The following CENPS variants were observed in gnomAD, a reference collection of about 807,000 sequenced individuals.
CENPS encodes centromere protein S.
CENPS carries 16 observed loss-of-function variants against 17.9 expected under a neutral mutation model. The observed-to-expected ratio is 0.90, with a 90% CI of 0.61 to 1.36. The LOEUF is 1.36. CENPS is among the 40% of genes most tolerant of loss of function. The pLI, the probability that CENPS is intolerant of heterozygous loss-of-function variation, is 0.00. For synonymous variants in CENPS, 49 were observed against 55.8 expected (o/e 0.88, Z 0.54); for missense variants, 160 against 158.6 (o/e 1.01, Z -0.05).
chr1:10,434,565 G>A (rs938422376), intron 2 of CENPS, 92 bp from the exon 3 acceptor site: 14 of 1,575,812 alleles, frequency 8.9e-6, no homozygotes, highest in African/African-American at 6.9e-5. Context: ...TCAAGTCACT[G>A]TACTGGCTGT....
chr1:10,437,003 C>T (rs1047348141), intron 3 of CENPS, among the ~76,000 whole-genome samples: 1 of 152,148 alleles, frequency 6.6e-6, no homozygotes, highest in Non-Finnish European at 1.5e-5. Flanking sequence ...GTCCCTGTCA[C>T]ACTTCTCTAC....
intron 3 of CENPS, among the ~76,000 whole-genome samples, chr1:10,436,732 G>GGA (rs1553177458): frequency 5.7e-5 from 8 of 140,752 alleles, no homozygotes; most frequent in African/African-American, 1.6e-4. Flanking sequence ...GAAAAGAAAA[G>GGA]AAAAAAAAAA....
chr1:10,436,165 A>T (rs1640148207), intron 3 of CENPS, among the ~76,000 whole-genome samples: 1 of 151,342 alleles, frequency 6.6e-6, no homozygotes, highest in African/African-American at 2.4e-5. Context: ...TTTAGTAGAG[A>T]TGGCGTTTCA....
At chr1:10,441,735 C>T (rs968431365) in intron 4 of CENPS, among the ~76,000 whole-genome samples, 4 of 149,916 alleles carry the variant, frequency 2.7e-5, no homozygotes, top group Non-Finnish European at 4.4e-5. Context: ...ATGCCATTCT[C>T]CTGCCTCAGC....
chr1:10,431,062 T>A, intron 1 of CENPS: 1 of 1,363,726 alleles, frequency 7.3e-7, no homozygotes, highest in South Asian at 1.6e-5. Context: ...TTCGAATCTC[T>A]GCCCCGCCAA....
intron 1 of CENPS, among the ~76,000 whole-genome samples, chr1:10,432,598 C>T (rs1639969830): frequency 7.1e-6 from 1 of 141,634 alleles, no homozygotes; most frequent in South Asian, 2.4e-4. Context: ...AGTGATTTAG[C>T]CTCTAAGTGC....
intron 1 of CENPS, 200 bp downstream of exon 1, chr1:10,430,768 G>T (rs777631099): frequency 9.3e-6 from 13 of 1,392,888 alleles, no homozygotes; most frequent in South Asian, 3.3e-5. Flanking sequence ...ACCCTGGCCT[G>T]CGCTGGCTGG....
chr1:10,431,002 AG>A (rs1639884174), intron 1 of CENPS: 48 of 1,291,470 alleles, frequency 3.7e-5, no homozygotes, highest in Non-Finnish European at 4.5e-5. Flanking sequence ...TTACTGATGC[AG>A]GGACGCGGTG....
At chr1:10,435,080 T>G (rs1046875355) in intron 3 of CENPS, among the ~76,000 whole-genome samples, 11 of 152,190 alleles carry the variant, frequency 7.2e-5, no homozygotes, top group African/African-American at 2.7e-4. Context: ...AGCTGCAGCG[T>G]GTCCACGGTG....
chr1:10,442,439 C>T lies in CENPS; in HGVS notation c.*34C>T, dbSNP rs1640457919. The T allele has an allele frequency of 6.6e-7, 1 of 1,516,616 alleles. No individual in the cohort carries two copies. Among genetic ancestry groups the T allele is most frequent in the East Asian group, 2.4e-5 (1 of 40,966 alleles). The allele number at this position is 1,516,616 out of a possible 1,614,324, so 93.9% of individuals were successfully genotyped here. ...GCCGCTTGGAAAGTGCAGCCTTCTA[C>T]AGGTAGAGCCACCTAGAAATGCATA... On this transcript the variant is annotated 3_prime_UTR_variant, in exon 5 of 5. Transcript: ENST00000309048.
rs182536626 is a variant in CENPS at position 10,442,270 on chromosome 1, A to G, written c.282A>G (p.Lys94=). Residue 94 remains lysine (K), a synonymous_variant, in exon 5 of 5, where the codon AAA becomes AAG. Coordinates refer to ENST00000309048, the MANE Select transcript of CENPS (RefSeq NM_199294.3). ...TACAGATTTTTTTTTTATAGCTAAA[A>G]TACATCACAGACAAAAGTGAAGAGA... The part of the protein sequence containing the change: ...LLARRSNSLL[K]YITDKSEEIA... 1.8e-5 allele frequency: 29 copies of G among 1,588,830 alleles called. No individual in the cohort carries two copies. Among genetic ancestry groups the G allele is most frequent in the Middle Eastern group, 1.7e-4 (1 of 6,010 alleles).
intron 3 of CENPS, among the ~76,000 whole-genome samples, chr1:10,436,762 C>T (rs1157000297): frequency 6.7e-6 from 1 of 150,360 alleles, no homozygotes; most frequent in Non-Finnish European, 1.5e-5. Context: ...AACGCTTTGT[C>T]TGAGAACTGA....
chr1:10,435,271 C>T (rs1328663010), intron 3 of CENPS, among the ~76,000 whole-genome samples: 1 of 152,290 alleles, frequency 6.6e-6, no homozygotes, highest in South Asian at 2.1e-4. Flanking sequence ...AAAACAATTG[C>T]ACCAAATTGC....
chr1:10,437,570 C>T (rs1570043821), intron 3 of CENPS, among the ~76,000 whole-genome samples: 1 of 151,666 alleles, frequency 6.6e-6, no homozygotes, highest in East Asian at 1.9e-4. Context: ...GATTCTCCAG[C>T]CTCAGCCTCC....
At chr1:10,438,302 G>A (rs747824798) in intron 3 of CENPS, among the ~76,000 whole-genome samples, 34 of 151,972 alleles carry the variant, frequency 2.2e-4, no homozygotes, top group Non-Finnish European at 4.4e-4. Flanking sequence ...CCACCACCAT[G>A]CCCGGGTAAT....
intron 4 of CENPS, among the ~76,000 whole-genome samples, chr1:10,441,782 C>T (rs1169654774): frequency 5.3e-5 from 8 of 151,826 alleles, no homozygotes; most frequent in Admixed American, 3.3e-4. Flanking sequence ...CCCACCACCA[C>T]ACCTGGCTAA....
chr1:10,441,157 C>T (rs1402956934), intron 4 of CENPS, among the ~76,000 whole-genome samples: 1 of 152,012 alleles, frequency 6.6e-6, no homozygotes, highest in South Asian at 2.1e-4. Flanking sequence ...TACTATTTTA[C>T]GTATATTATT....
rs58841676 is a variant in CENPS at position 10,441,908 on chromosome 1, A to G, written c.277-357A>G. Among the ~76,000 whole-genome samples the G allele has an allele frequency of 3.8e-3, 576 of 152,148 alleles. 5 individuals carry two copies. Among genetic ancestry groups the G allele is most frequent in the African/African-American group, 0.013 (545 of 41,520 alleles). On this transcript the variant is annotated intron_variant, in intron 4 of 4. Transcript: ENST00000309048. ...CCAAAGTGCTGGGATTACAGGCGTG[A>G]GCCACCGCACCCGACCTCTGGCCAC...
chr1:10,436,315 A>T (rs1446796488), intron 3 of CENPS, among the ~76,000 whole-genome samples: 1 of 151,100 alleles, frequency 6.6e-6, no homozygotes, highest in Non-Finnish European at 1.5e-5. Context: ...CTGGTGGGGA[A>T]AGGGGTATGT....
Sources: allele counts gnomAD v4.1 joint callset (sites outside exome capture counted in the v4.1 genomes callset), GRCh38; gene constraint gnomAD v4.1.1; transcripts MANE v1.5; gene names NCBI Gene and HGNC (gene_info 2026-07-23, HGNC 2026-07-21).